The following SDCCAG8 variants were observed in gnomAD, a reference collection of about 807,000 sequenced individuals.
SDCCAG8 encodes SHH signaling and ciliogenesis regulator SDCCAG8.
SDCCAG8 carries 74 observed loss-of-function variants against 101.8 expected under a neutral mutation model. The observed-to-expected ratio is 0.73, with a 90% confidence interval of 0.60 to 0.88. The LOEUF is 0.88. Among genes scored for constraint, SDCCAG8 ranks in the 40% least tolerant of loss-of-function variants. The pLI is 0.00. For synonymous variants in SDCCAG8, 281 were observed against 292.9 expected (o/e 0.96, Z 0.41); for missense variants, 787 against 822.6 (o/e 0.96, Z 0.53).
rs2078392538 is a variant in SDCCAG8, at chr1:243,387,639, T to C, written c.1616+8776T>C. ...CACTAGGTTAACCTGTTATGATGGA[T>C]AGATCATGTGGGGAGAGTGATAGAG... is the stretch of plus-strand genomic sequence containing the variant. On this transcript the variant is annotated intron_variant, in intron 13 of 17. Coordinates refer to ENST00000366541, the MANE Select transcript of SDCCAG8 (RefSeq NM_006642.5). 2.6e-5 allele frequency among the ~76,000 whole-genome samples: 4 copies of C among 152,188 alleles called. 1 individual carries two copies. The South Asian group carries it at 8.3e-4, about 31-fold the overall frequency.
chr1:243,440,922 T>C (rs1439194726), intron 16 of SDCCAG8, among the ~76,000 whole-genome samples: 1 of 152,222 alleles, frequency 6.6e-6, no homozygotes, highest in African/African-American at 2.4e-5. Flanking sequence ...TTTGTGATAA[T>C]ATCTTGATGA....
At chr1:243,476,177 G>A in intron 16 of SDCCAG8, 1 of 985,442 alleles carries the variant, frequency 1.0e-6, no homozygotes, top group African/African-American at 1.7e-5. Flanking sequence ...AGCTCAATTG[G>A]TCGCCTTCAG....
At chr1:243,410,470 A>G (rs577690829) in intron 13 of SDCCAG8, among the ~76,000 whole-genome samples, 2 of 152,324 alleles carry the variant, frequency 1.3e-5, no homozygotes, top group African/African-American at 2.4e-5. Context: ...ATATGCTACT[A>G]TCACAAAGCT....
At chr1:243,278,717 C>T (rs1344143313) in intron 4 of SDCCAG8, among the ~76,000 whole-genome samples, 2 of 152,052 alleles carry the variant, frequency 1.3e-5, no homozygotes, top group African/African-American at 2.4e-5. Flanking sequence ...TGTCTGCAAA[C>T]GAAAGACAGT....
At chr1:243,360,128 G>A (rs1052093152) in intron 12 of SDCCAG8, among the ~76,000 whole-genome samples, 6 of 145,316 alleles carry the variant, frequency 4.1e-5, no homozygotes, top group African/African-American at 1.5e-4. Flanking sequence ...CTTCAGCTGT[G>A]TTATTGCAAC....
At chr1:243,370,180 T>G (rs1450643750) in intron 12 of SDCCAG8, among the ~76,000 whole-genome samples, 1 of 152,096 alleles carries the variant, frequency 6.6e-6, no homozygotes, top group Non-Finnish European at 1.5e-5. Context: ...TCAGCAGACA[T>G]AAAAAGTCAA....
chr1:243,319,986 G>A (rs1023511290), intron 9 of SDCCAG8, among the ~76,000 whole-genome samples: 1 of 151,456 alleles, frequency 6.6e-6, no homozygotes, highest in East Asian at 1.9e-4. Context: ...CATTTTATCT[G>A]TTGTGTCCAG....
intron 12 of SDCCAG8, among the ~76,000 whole-genome samples, chr1:243,349,928 C>G (rs1047074326): frequency 1.3e-5 from 2 of 151,182 alleles, no homozygotes; most frequent in Non-Finnish European, 2.9e-5. Flanking sequence ...TTTAATGGAG[C>G]AATCAAAGCA....
intron 13 of SDCCAG8, among the ~76,000 whole-genome samples, chr1:243,402,416 A>AG (rs1241439907): frequency 1.3e-5 from 2 of 152,102 alleles, no homozygotes; most frequent in African/African-American, 4.8e-5. Context: ...TAAAAAAAAA[A>AG]AAAAAAAGCA....
chr1:243,257,866 G>A (rs1196502132), intron 1 of SDCCAG8, among the ~76,000 whole-genome samples: 1 of 152,100 alleles, frequency 6.6e-6, no homozygotes, highest in Non-Finnish European at 1.5e-5. Flanking sequence ...TTTAAGATTG[G>A]CAAAAATTTT....
At chr1:243,447,248 CAAAAAAAAAAAAAA>C (rs397830130) in intron 16 of SDCCAG8, among the ~76,000 whole-genome samples, 419 of 41,398 alleles carry the variant, frequency 0.01, 2 homozygotes, top group Middle Eastern at 0.024. Flanking sequence ...GACTTCGTCT[CAAAAAAAAAAAAAA>C]AAAAAAAAAA....
At chr1:243,418,162 T>C (rs2080736923) in intron 15 of SDCCAG8, 86 bp downstream of exon 15, 1 of 916,602 alleles carries the variant, frequency 1.1e-6, no homozygotes, top group Non-Finnish European at 1.8e-6. Flanking sequence ...TGCACTGTTT[T>C]ATAGTCTAAT....
In SDCCAG8 at chr1:243,416,291, A is replaced by T. The variant is rs2148014647; in HGVS notation, c.1744+462A>T. 6.6e-6 allele frequency among the ~76,000 whole-genome samples: 1 copy of T among 152,328 alleles called. No homozygotes were observed. Among genetic ancestry groups the T allele is most frequent in the South Asian group, 2.1e-4 (1 of 4,822 alleles). ...CACATTATAGCTACTCTAAAAGCCT[A>T]ATGAGTTTGCTTCAGCATCCAAACT... is the stretch of plus-strand genomic sequence containing the variant. On this transcript the variant is annotated intron_variant, in intron 14 of 17. Coordinates refer to ENST00000366541, the MANE Select transcript of SDCCAG8 (RefSeq NM_006642.5). This position sits in a 1 kb window ranked among gnomAD's most constrained non-coding sequence, Gnocchi z 4.3.
intron 16 of SDCCAG8, among the ~76,000 whole-genome samples, chr1:243,469,736 A>G (rs1031820476): frequency 6.6e-6 from 1 of 151,546 alleles, no homozygotes; most frequent in Non-Finnish European, 1.5e-5. Context: ...CTGCGAGTGC[A>G]TGTGTGCATC....
intron 13 of SDCCAG8, 103 bp downstream of exon 13, chr1:243,378,966 C>A: frequency 6.9e-7 from 1 of 1,453,438 alleles, no homozygotes; most frequent in Non-Finnish European, 9.7e-7. Flanking sequence ...TCATTCAATT[C>A]ACACTTAGCT....
intron 13 of SDCCAG8, among the ~76,000 whole-genome samples, chr1:243,403,229 G>T (rs1348835885): frequency 6.6e-6 from 1 of 152,172 alleles, no homozygotes; most frequent in Admixed American, 6.5e-5. Context: ...GACACAGCTA[G>T]CACATGGTGG....
chr1:243,268,440 A>G (rs960222211), intron 1 of SDCCAG8, among the ~76,000 whole-genome samples: 8 of 152,218 alleles, frequency 5.3e-5, no homozygotes, highest in African/African-American at 1.9e-4. Context: ...TAAACTCATG[A>G]TGAGTCAGAG....
At chr1:243,423,802 TG>T (rs2081166065) in intron 15 of SDCCAG8, among the ~76,000 whole-genome samples, 1 of 151,962 alleles carries the variant, frequency 6.6e-6, no homozygotes, top group African/African-American at 2.4e-5. Flanking sequence ...CCTTTAGAGG[TG>T]GACTAAGTAA....
intron 16 of SDCCAG8, among the ~76,000 whole-genome samples, chr1:243,450,220 G>GTGTA (rs1212492983): frequency 6.6e-6 from 1 of 152,196 alleles, no homozygotes; most frequent in Non-Finnish European, 1.5e-5. Flanking sequence ...GTGTATGGAA[G>GTGTA]TGTATTGAAT....
Sources: gnomAD v4.1 joint callset for allele counts (sites outside exome capture counted in the v4.1 genomes callset) on GRCh38, gnomAD v4.1.1 for gene constraint, Gnocchi (gnomAD v3.1) non-coding constraint, MANE v1.5 for transcripts, NCBI Gene and HGNC (gene_info 2026-07-23, HGNC 2026-07-21) for gene names.